ACAP2: variants seen among roughly 807,000 people sequenced by gnomAD.
ACAP2 encodes the protein ArfGAP with coiled-coil, ankyrin repeat and PH domains 2, also known as arf-GAP with coiled-coil, ANK repeat and PH domain-containing protein 2.
ACAP2 carries 39 observed loss-of-function variants against 115.8 expected under a neutral mutation model. The observed-to-expected ratio is 0.34, with a 90% CI of 0.26 to 0.44. The LOEUF (loss-of-function observed/expected upper bound fraction) is 0.44. ACAP2 is among the 20% of genes least tolerant of loss of function. The pLI, the probability that ACAP2 is intolerant of heterozygous loss-of-function variation, is 1.00. For synonymous variants in ACAP2, 289 were observed against 315.8 expected (o/e 0.92, Z 0.90); for missense variants, 662 against 927.6 (o/e 0.71, Z 3.72).
intron 9 of ACAP2, chr3:195,325,595 T>G (rs555843906): frequency 1.0e-4 from 37 of 365,320 alleles, no homozygotes; most frequent in Non-Finnish European, 1.5e-4. Flanking sequence ...TTACCATTTT[T>G]GAAGCTTCAG....
chr3:195,353,802 A>G (rs78297102), intron 4 of ACAP2, among the ~76,000 whole-genome samples: 3,875 of 152,298 alleles, frequency 0.025, 86 homozygotes, highest in Non-Finnish European at 0.041. Context: ...AGAGAAAAGC[A>G]GAACATTTTT....
In ACAP2 at chr3:195,275,366, T is replaced by C. The variant is rs1726152883; in HGVS notation, c.*3962A>G. On this transcript the variant is annotated 3_prime_UTR_variant, in exon 23 of 23. Coordinates refer to ENST00000326793, the MANE Select transcript of ACAP2 (RefSeq NM_012287.6). Reference sequence around the variant, plus strand: ...GATGTCATTTGGAAGCATCAAGAAATTGATAAGTATGTGGTGAATTAAAAT... The same window carrying C: ...GATGTCATTTGGAAGCATCAAGAAACTGATAAGTATGTGGTGAATTAAAAT... 1 of 152,220 alleles carries C rather than the reference T, an allele frequency of 6.6e-6. No homozygotes were observed. Among genetic ancestry groups the C allele is most frequent in the Non-Finnish European group, 1.5e-5 (1 of 68,028 alleles). 9.4% of individuals were successfully genotyped at this position (152,220 alleles called of 1,614,324 possible). A position where few individuals can be genotyped will look rare whatever the true frequency, so the allele number is the denominator to read the frequency against.
intron 1 of ACAP2, among the ~76,000 whole-genome samples, chr3:195,439,045 G>A (rs894615620): frequency 2.7e-5 from 4 of 147,438 alleles, no homozygotes; most frequent in Admixed American, 1.4e-4. Context: ...TGGGCAACAA[G>A]AGCAGAACTC....
intron 2 of ACAP2, among the ~76,000 whole-genome samples, chr3:195,384,938 AC>A (rs1734194139): frequency 6.6e-6 from 1 of 152,170 alleles, no homozygotes; most frequent in Non-Finnish European, 1.5e-5. Flanking sequence ...GTAAAATATT[AC>A]GGCAAAAAAT....
At chr3:195,282,381 C>CA (rs1165235764) in intron 22 of ACAP2, 1 of 152,172 alleles carries the variant, frequency 6.6e-6, no homozygotes, top group Non-Finnish European at 1.5e-5. Context: ...GCCACCTTCA[C>CA]ATACACACAA....
intron 4 of ACAP2, among the ~76,000 whole-genome samples, chr3:195,347,998 C>G (rs946563673): frequency 3.4e-5 from 5 of 149,104 alleles, no homozygotes; most frequent in Admixed American, 1.3e-4. Flanking sequence ...GCCCGAGCAA[C>G]AGAGTAAGAT....
At position 195,279,168 on chromosome 3, in the gene ACAP2, CTA is replaced by C. The variant is rs994075641; in HGVS notation, c.*158_*159del. 1.9e-5 allele frequency: 10 copies of C among 518,862 alleles called. No individual in the cohort carries two copies. The highest frequency in any genetic ancestry group is 3.0e-5 in the Non-Finnish European group (9 of 299,050). 32.1% of individuals were successfully genotyped at this position (518,862 alleles called of 1,614,324 possible). On this transcript the variant is annotated 3_prime_UTR_variant, in exon 23 of 23. Coordinates refer to ENST00000326793, the MANE Select transcript of ACAP2 (RefSeq NM_012287.6). ...AGGTTCCTCTCCTACTACTAGATAA[CTA>C]TGTTTTAATTTATAAATATATGAAT...
chr3:195,381,024 C>A lies in ACAP2; in HGVS notation c.270G>T (p.Met90Ile). Reference sequence around the variant, plus strand: ...TGACACTTACTGTGTGAAAATTTATCATTTCTTGAAGACTGTCAGAAAACT... The same window carrying A: ...TGACACTTACTGTGTGAAAATTTATAATTTCTTGAAGACTGTCAGAAAACT... ...LTKFSDSLQE[M>I]INFHTILFDQ... The change falls in exon 4 of 23, where the codon ATG becomes ATT. Residue 90 changes from methionine to isoleucine, a missense_variant. By Grantham distance (10) the Met-to-Ile change is conservative. Transcript: ENST00000326793. 1 of 1,598,994 alleles carries A rather than the reference C, an allele frequency of 6.3e-7. No individual in the cohort carries two copies. The highest frequency in any genetic ancestry group is 8.5e-7 in the Non-Finnish European group (1 of 1,176,740).
chr3:195,376,782 A>G (rs1471031649), intron 4 of ACAP2, among the ~76,000 whole-genome samples: 1 of 152,228 alleles, frequency 6.6e-6, no homozygotes, highest in Admixed American at 6.5e-5. Flanking sequence ...TAAGCCCACA[A>G]AGTTGGTAAA....
rs201405299 is a variant in ACAP2 at position 195,373,360 on chromosome 3, GATAA to G, written c.285+7645_285+7648del. Among the ~76,000 whole-genome samples the G allele has an allele frequency of 8.3e-3, 1,266 of 152,178 alleles. 15 individuals are homozygous for G. Among genetic ancestry groups the G allele is most frequent in the African/African-American group, 0.027 (1,112 of 41,514 alleles). On this transcript the variant is annotated intron_variant, in intron 4 of 22. Coordinates refer to ENST00000326793, the MANE Select transcript of ACAP2 (RefSeq NM_012287.6). ...ATCCCAAATTAAATGTTATCAAAAT[GATAA>G]ATAATCTAAGACTATTTAAACATTT...
intron 20 of ACAP2, 83 bp downstream of exon 20, chr3:195,291,623 C>G: frequency 8.7e-7 from 1 of 1,144,312 alleles, no homozygotes; most frequent in South Asian, 1.8e-5. Context: ...TACCTGAAAA[C>G]TTTAACCTAA....
At chr3:195,385,246 C>CG (rs1734219677) in intron 2 of ACAP2, among the ~76,000 whole-genome samples, 1 of 118,736 alleles carries the variant, frequency 8.4e-6, no homozygotes, top group South Asian at 2.6e-4. Context: ...TCTCTGTATT[C>CG]AAAAAAAAAA....
At position 195,279,411 on chromosome 3, in the gene ACAP2, C is replaced by G; in HGVS notation, c.2254G>C (p.Asp752His). ...YGQPGDETYQ[D>H]IFRDFSQMAS... ...ATTTGGGAAAAATCACGAAATATGTCCTGATAAGTTTCATCACCTGCATGA... is the reference window on the plus strand; with the variant it reads ...ATTTGGGAAAAATCACGAAATATGTGCTGATAAGTTTCATCACCTGCATGA... The change falls in exon 23 of 23, where the codon GAC (aspartate) becomes CAC (histidine). Residue 752 changes from aspartate to histidine, a missense_variant. Physicochemically the swap from Asp to His is moderately conservative, Grantham distance 81. Around this residue, in one of 3 missense-constraint regions of ACAP2, gnomAD observed 128 missense variants for 200.2 expected, o/e 0.64. Transcript: ENST00000326793. 6.2e-7 allele frequency: 1 copy of G among 1,601,880 alleles called. No homozygotes were observed. Among genetic ancestry groups the G allele is most frequent in the Non-Finnish European group, 8.5e-7 (1 of 1,174,704 alleles).
At position 195,291,738 on chromosome 3, in the gene ACAP2, T is replaced by C; in HGVS notation, c.2031A>G (p.Pro677=). ...VNQRDVQGRG[P]LHHATVLGHT... ...GCCCTAAGACGGTGGCATGGTGCAA[T>C]GGTCCCCGCCCTTGGACATCTCTTT... The change falls in exon 20 of 23, where the codon CCA becomes CCG. Residue 677 remains proline (P), a synonymous_variant. Coordinates refer to ENST00000326793, the MANE Select transcript of ACAP2 (RefSeq NM_012287.6). The C allele has an allele frequency of 1.2e-6, 2 of 1,614,082 alleles. No homozygotes were observed. The highest frequency in any genetic ancestry group is 1.7e-6 in the Non-Finnish European group (2 of 1,179,996).
intron 2 of ACAP2, among the ~76,000 whole-genome samples, chr3:195,385,387 G>C (rs1343872648): frequency 1.8e-5 from 2 of 112,488 alleles, no homozygotes; most frequent in Non-Finnish European, 3.6e-5. Flanking sequence ...AACAAACTTA[G>C]TAAAAAAAAA....
intron 1 of ACAP2, 85 bp downstream of exon 1, chr3:195,442,710 T>G (rs1037894529): frequency 7.1e-7 from 1 of 1,417,410 alleles, no homozygotes; most frequent in Non-Finnish European, 9.5e-7. Flanking sequence ...CGGCGGGGCC[T>G]CCTCCGGGTG....
intron 18 of ACAP2, among the ~76,000 whole-genome samples, chr3:195,292,699 A>T (rs1560207628): frequency 6.6e-6 from 1 of 152,094 alleles, no homozygotes; most frequent in Non-Finnish European, 1.5e-5. Flanking sequence ...AGGGGGGTGG[A>T]TCACTTGAGG....
intron 10 of ACAP2, among the ~76,000 whole-genome samples, chr3:195,319,112 T>C (rs750106077): frequency 3.9e-5 from 6 of 152,158 alleles, no homozygotes; most frequent in African/African-American, 1.2e-4. Context: ...GCCCCAAGCA[T>C]TGGTGGCTTC....
chr3:195,427,735 C>T (rs1714792545), intron 1 of ACAP2, among the ~76,000 whole-genome samples: 1 of 151,944 alleles, frequency 6.6e-6, no homozygotes, highest in South Asian at 2.1e-4. Context: ...CATGGCAAAA[C>T]CTCATCTCTA....
Sources: gnomAD v4.1 joint callset for allele counts (sites outside exome capture counted in the v4.1 genomes callset) on GRCh38, gnomAD v4.1.1 for gene constraint, gnomAD v4.1.1 regional missense constraint, MANE v1.5 for transcripts, NCBI Gene and HGNC (gene_info 2026-07-23, HGNC 2026-07-21) for gene names.